MACROD2: variants seen among roughly 807,000 people sequenced by gnomAD.
MACROD2 encodes mono-ADP ribosylhydrolase 2, also known as ADP-ribose glycohydrolase MACROD2.
Under a neutral mutation model 70.4 loss-of-function variants are expected in MACROD2, and 36 were observed. The ratio of observed to expected loss-of-function variants is 0.51; its 90% CI spans 0.39 to 0.68. The LOEUF is 0.68. MACROD2 is among the 30% of genes least tolerant of loss of function. The pLI is 0.00. For synonymous variants in MACROD2, 172 were observed against 178.8 expected, an observed-to-expected ratio of 0.96 and a Z score of 0.30; for missense variants, 496 against 538.4, an observed-to-expected ratio of 0.92 and a Z score of 0.78.
At chr20:15,809,849 T>C (rs2063801442) in intron 8 of MACROD2, among the ~76,000 whole-genome samples, 1 of 147,372 alleles carries the variant, frequency 6.8e-6, no homozygotes, top group Non-Finnish European at 1.5e-5. Flanking sequence ...TTGCCTTCTC[T>C]GGCCACCCTA....
chr20:14,245,016 G>T (rs1434169303), intron 3 of MACROD2, among the ~76,000 whole-genome samples: 1 of 152,106 alleles, frequency 6.6e-6, no homozygotes, highest in Non-Finnish European at 1.5e-5. Context: ...TGGGTAAATT[G>T]TACCTGCTTT....
chr20:14,842,200 T>C (rs1391545896), intron 5 of MACROD2, among the ~76,000 whole-genome samples: 2 of 152,030 alleles, frequency 1.3e-5, no homozygotes, highest in African/African-American at 4.8e-5. Flanking sequence ...TTTATAACTG[T>C]CCCACTTCTG....
intron 6 of MACROD2, among the ~76,000 whole-genome samples, chr20:15,331,118 A>T (rs1301431107): frequency 2.0e-5 from 3 of 151,706 alleles, no homozygotes. Context: ...ACACATGCGA[A>T]TGTGTTCATA....
intron 5 of MACROD2, among the ~76,000 whole-genome samples, chr20:14,870,843 A>T (rs923511125): frequency 6.6e-6 from 1 of 152,136 alleles, no homozygotes; most frequent in African/African-American, 2.4e-5. Flanking sequence ...GATGCTGGAT[A>T]TTAGACCTTT....
intron 2 of MACROD2, among the ~76,000 whole-genome samples, chr20:14,023,626 C>T (rs1226926110): frequency 3.9e-5 from 6 of 152,142 alleles, no homozygotes; most frequent in African/African-American, 1.2e-4. Flanking sequence ...TATGGCTTGC[C>T]AGTTTTCCCA....
intron 4 of MACROD2, among the ~76,000 whole-genome samples, chr20:14,512,468 G>A (rs557628824): frequency 6.6e-6 from 1 of 152,182 alleles, no homozygotes; most frequent in East Asian, 1.9e-4. Context: ...AAATAAATAC[G>A]GGTTAGAGAA....
At chr20:15,704,800 A>T (rs1027520552) in intron 8 of MACROD2, among the ~76,000 whole-genome samples, 3 of 152,242 alleles carry the variant, frequency 2.0e-5, no homozygotes, top group African/African-American at 7.2e-5. Context: ...AATCAGTAGT[A>T]CTGGCAAGGC....
At chr20:15,825,985 A>G (rs1600954901) in intron 8 of MACROD2, among the ~76,000 whole-genome samples, 1 of 152,280 alleles carries the variant, frequency 6.6e-6, no homozygotes, top group East Asian at 1.9e-4. Context: ...ATTCCCCCTC[A>G]TCCAGGGCCA....
intron 6 of MACROD2, among the ~76,000 whole-genome samples, chr20:15,389,041 A>T (rs1263648644): frequency 3.9e-5 from 6 of 152,136 alleles, no homozygotes; most frequent in Non-Finnish European, 7.4e-5. Flanking sequence ...TTAGCCACGA[A>T]AGTATCACTG....
At chr20:16,031,851 T>G (rs1039662977) in intron 15 of MACROD2, among the ~76,000 whole-genome samples, 2 of 152,050 alleles carry the variant, frequency 1.3e-5, no homozygotes, top group African/African-American at 4.8e-5. Flanking sequence ...ATATTTTAAG[T>G]AAATGAAAAC....
At chr20:14,554,495 A>T (rs1978890824) in intron 4 of MACROD2, 1 of 152,104 alleles carries the variant, frequency 6.6e-6, no homozygotes. Context: ...ATATTTGATA[A>T]ACTGGAATCA....
intron 5 of MACROD2, among the ~76,000 whole-genome samples, chr20:15,205,900 T>A (rs181402385): frequency 1.1e-4 from 16 of 152,354 alleles, no homozygotes; most frequent in African/African-American, 3.6e-4. Flanking sequence ...CATATTGTTT[T>A]GGGCATCTCT....
intron 3 of MACROD2, among the ~76,000 whole-genome samples, chr20:14,135,517 T>A (rs533743536): frequency 3.4e-4 from 51 of 151,876 alleles, no homozygotes; most frequent in South Asian, 2.3e-3. Context: ...TTTTTTTTTT[T>A]AAATAAATTA....
At chr20:15,334,596 A>AG (rs2078028657) in intron 6 of MACROD2, among the ~76,000 whole-genome samples, 1 of 151,478 alleles carries the variant, frequency 6.6e-6, no homozygotes, top group Admixed American at 6.6e-5. Flanking sequence ...TTTTTAAAAA[A>AG]AAACTGCAAA....
chr20:15,262,908 T>G (rs114179443), intron 6 of MACROD2, among the ~76,000 whole-genome samples: 1 of 152,050 alleles, frequency 6.6e-6, no homozygotes, highest in African/African-American at 2.4e-5. Context: ...CTCTATAGTG[T>G]TGTTTGAGCT....
intron 3 of MACROD2, among the ~76,000 whole-genome samples, chr20:14,406,947 T>C (rs2083696727): frequency 6.6e-6 from 1 of 152,188 alleles, no homozygotes; most frequent in Non-Finnish European, 1.5e-5. Flanking sequence ...TTTCTTGGAA[T>C]GGGCTTTTAA....
chr20:15,299,860 A>G (rs2077625805), intron 6 of MACROD2, among the ~76,000 whole-genome samples: 2 of 152,170 alleles, frequency 1.3e-5, no homozygotes, highest in Non-Finnish European at 2.9e-5. Context: ...TGAGGGAGAA[A>G]ACTTACCCAG....
intron 3 of MACROD2, among the ~76,000 whole-genome samples, chr20:14,166,631 C>A (rs4814285): frequency 0.2 from 30,263 of 151,960 alleles, 3,658 homozygotes; most frequent in African/African-American, 0.34. Flanking sequence ...TGTCTGAAAT[C>A]AATTTTTTTC....
At chr20:14,361,031 A>G (rs6110260) in intron 3 of MACROD2, among the ~76,000 whole-genome samples, 3,690 of 152,210 alleles carry the variant, frequency 0.024, 143 homozygotes, top group African/African-American at 0.085. Flanking sequence ...TACTGAAGAG[A>G]GTTTGGAAGT....
Sources: allele counts gnomAD v4.1 joint callset (sites outside exome capture counted in the v4.1 genomes callset), GRCh38; gene constraint gnomAD v4.1.1; transcripts MANE v1.5; gene names NCBI Gene and HGNC (gene_info 2026-07-23, HGNC 2026-07-21).